Variants in RFX7 observed in about 807,000 individuals in gnomAD.
RFX7 encodes regulatory factor X7.
A neutral mutation model predicts 111.8 loss-of-function variants in RFX7; 26 were observed. That is an observed-to-expected ratio of 0.23 (90% confidence interval 0.17 to 0.32). The LOEUF (loss-of-function observed/expected upper bound fraction) is 0.32. Among genes scored for constraint, RFX7 ranks in the 10% least tolerant of loss-of-function variants. RFX7 has a pLI of 1.00. For synonymous variants in RFX7, 624 were observed against 624.4 expected (o/e 1.00, Z 0.01); for missense variants, 1,573 against 1,772.9 (o/e 0.89, Z 2.02).
intron 5 of RFX7, among the ~76,000 whole-genome samples, chr15:56,134,590 CACTTTCTTTTTTTTTTTTTTTT>C (rs2042265305): frequency 8.4e-6 from 1 of 119,174 alleles, no homozygotes; most frequent in Non-Finnish European, 1.8e-5. Flanking sequence ...CTATCTAAAT[CACTTTCTTTTTTTTTTTTTTTT>C]ACTTTCTTTT....
In RFX7 at chr15:56,096,329, T is replaced by A. The variant is rs375171129; in HGVS notation, c.1399A>T (p.Met467Leu). 1.2e-6 allele frequency: 2 copies of A among 1,613,846 alleles called. No homozygotes were observed. Among genetic ancestry groups the A allele is most frequent in the African/African-American group, 2.7e-5 (2 of 74,922 alleles). ...ATTTTCACCACATTTAGAGAACTCA[T>A]GTGTGAAGCGGGTACAACAGCAGTT... ...IKTAVVPASH[M>L]SSLNVVKMTT... The change falls in exon 10 of 10, where the codon ATG (methionine) becomes TTG (leucine). Residue 467 changes from methionine to leucine, a missense_variant. Coordinates refer to ENST00000559447, the MANE Select transcript of RFX7 (RefSeq NM_022841.7).
chr15:56,237,958 G>A (rs531304261), intron 2 of RFX7, among the ~76,000 whole-genome samples: 1 of 152,268 alleles, frequency 6.6e-6, no homozygotes, highest in East Asian at 1.9e-4. Flanking sequence ...GTAGGTAGGA[G>A]GTCAACCTAC....
chr15:56,212,830 T>A (rs1429776794), intron 2 of RFX7, among the ~76,000 whole-genome samples: 1 of 152,148 alleles, frequency 6.6e-6, no homozygotes, highest in Non-Finnish European at 1.5e-5. Flanking sequence ...TTAGAATGTA[T>A]GCAAAATACT....
intron 5 of RFX7, among the ~76,000 whole-genome samples, chr15:56,107,459 C>T (rs1303402679): frequency 1.3e-5 from 2 of 151,620 alleles, no homozygotes; most frequent in African/African-American, 4.9e-5. Context: ...CTTTAATATT[C>T]ATTCATGTCA....
At chr15:56,103,802 A>G (rs1462880997) in intron 5 of RFX7, 132 bp from the exon 6 acceptor site, 8 of 618,078 alleles carry the variant, frequency 1.3e-5, no homozygotes, top group South Asian at 4.2e-5. Flanking sequence ...CACAATGTCT[A>G]TGATCATCAC....
intron 2 of RFX7, among the ~76,000 whole-genome samples, chr15:56,240,272 G>A (rs2043674225): frequency 6.6e-6 from 1 of 152,020 alleles, no homozygotes; most frequent in African/African-American, 2.4e-5. Context: ...GTAAGAATGA[G>A]TAAGGGTAAG....
At chr15:56,151,175 C>G (rs1012495807) in intron 3 of RFX7, among the ~76,000 whole-genome samples, 2 of 152,276 alleles carry the variant, frequency 1.3e-5, no homozygotes, top group South Asian at 2.1e-4. Flanking sequence ...CCGAGCAAGA[C>G]AGGCCAACAT....
chr15:56,142,016 GCA>G (rs1490644007), intron 5 of RFX7, among the ~76,000 whole-genome samples: 1 of 151,986 alleles, frequency 6.6e-6, no homozygotes, highest in Non-Finnish European at 1.5e-5. Flanking sequence ...GTTAGCAATA[GCA>G]CTTATTTGAC....
At chr15:56,125,830 T>G (rs187537654) in intron 5 of RFX7, among the ~76,000 whole-genome samples, 38 of 152,282 alleles carry the variant, frequency 2.5e-4, no homozygotes, top group African/African-American at 8.7e-4. Flanking sequence ...AAATTAGGAC[T>G]CAAATTTATA....
rs74754369 is a variant in RFX7 at position 56,219,677 on chromosome 15, G to A, written c.161+23448C>T. 4.6e-3 allele frequency among the ~76,000 whole-genome samples: 706 copies of A among 152,214 alleles called. 12 individuals are homozygous for A. The highest frequency in any genetic ancestry group is 0.017 in the African/African-American group (686 of 41,526). ...AATGACTTCCAGCTACATCCACGTC[G>A]CTGCAAAGGACATAATCTCATTCTT... On this transcript the variant is annotated intron_variant, in intron 2 of 9. Transcript: ENST00000559447.
intron 3 of RFX7, among the ~76,000 whole-genome samples, chr15:56,172,949 A>T (rs930089536): frequency 1.3e-5 from 2 of 152,222 alleles, no homozygotes; most frequent in Non-Finnish European, 2.9e-5. Context: ...ATCAGAAACA[A>T]GTGTTTTCAG....
chr15:56,169,579 A>AC (rs1302931205), intron 3 of RFX7, among the ~76,000 whole-genome samples: 14 of 151,904 alleles, frequency 9.2e-5, no homozygotes, highest in African/African-American at 3.4e-4. Flanking sequence ...CTTTATACCC[A>AC]CCTAAGTTAG....
At chr15:56,221,209 G>A (rs2043423379) in intron 2 of RFX7, among the ~76,000 whole-genome samples, 1 of 152,180 alleles carries the variant, frequency 6.6e-6, no homozygotes, top group South Asian at 2.1e-4. Context: ...TTCTAATTCT[G>A]TGAAGAATGT....
At chr15:56,218,631 T>C (rs1324325245) in intron 2 of RFX7, among the ~76,000 whole-genome samples, 2 of 152,110 alleles carry the variant, frequency 1.3e-5, no homozygotes, top group East Asian at 1.9e-4. Context: ...GTTATTCTAT[T>C]AGGAAAAGCG....
At chr15:56,147,971 A>ATTTT (rs756224478) in intron 3 of RFX7, among the ~76,000 whole-genome samples, 7,386 of 152,316 alleles carry the variant, frequency 0.048, 270 homozygotes, top group Middle Eastern at 0.085. Flanking sequence ...TAGACTTAAA[A>ATTTT]GTCTTCACTT....
chr15:56,157,523 T>C (rs2042668266), intron 3 of RFX7, among the ~76,000 whole-genome samples: 1 of 152,232 alleles, frequency 6.6e-6, no homozygotes, highest in African/African-American at 2.4e-5. Context: ...ATGCCACTTT[T>C]ATGTTCAGCA....
At chr15:56,136,147 G>T (rs1218076686) in intron 5 of RFX7, among the ~76,000 whole-genome samples, 5 of 151,882 alleles carry the variant, frequency 3.3e-5, no homozygotes, top group Non-Finnish European at 5.9e-5. Flanking sequence ...TTACAATTCT[G>T]TGAAGAAAGG....
chr15:56,093,301 C>CAT lies in RFX7; in HGVS notation c.*42_*43dup. The CAT allele has an allele frequency of 6.8e-7, 1 of 1,472,950 alleles. No homozygotes were observed. The highest frequency in any genetic ancestry group is 9.2e-7 in the Non-Finnish European group (1 of 1,087,626). 91.2% of individuals were successfully genotyped at this position (1,472,950 alleles called of 1,614,324 possible). ...CACTTCCATTAAGACAAATACAATA[C>CAT]ATATGTCTTTAGATACAGTGTGCTA... is the stretch of plus-strand genomic sequence containing the variant. On this transcript the variant is annotated 3_prime_UTR_variant, in exon 10 of 10. Coordinates refer to ENST00000559447, the MANE Select transcript of RFX7 (RefSeq NM_022841.7).
At chr15:56,184,100 A>G (rs560920956) in intron 2 of RFX7, among the ~76,000 whole-genome samples, 1 of 150,808 alleles carries the variant, frequency 6.6e-6, no homozygotes, top group Non-Finnish European at 1.5e-5. Flanking sequence ...GCTCACCGCA[A>G]CCTCCACCTC....
Sources: allele counts gnomAD v4.1 joint callset (sites outside exome capture counted in the v4.1 genomes callset), GRCh38; gene constraint gnomAD v4.1.1; transcripts MANE v1.5; gene names NCBI Gene and HGNC (gene_info 2026-07-23, HGNC 2026-07-21).